Variants in TMEM272 observed in about 807,000 individuals in gnomAD.
TMEM272 encodes the protein long intergenic non-protein coding RNA 282.
Under a neutral mutation model 3.7 loss-of-function variants are expected in TMEM272, and 8 were observed. That is an observed-to-expected ratio of 2.17 (90% CI 1.27 to 3.91). The LOEUF (loss-of-function observed/expected upper bound fraction) is 3.91, where lower values mean the gene tolerates loss of function less well. Among genes scored for constraint, TMEM272 ranks in the 30% most tolerant of loss-of-function variants. The pLI is 0.00. For missense variants in TMEM272, 166 were observed against 91.5 expected (o/e 1.81, Z -3.32); for synonymous variants, 63 against 39.8 (o/e 1.58, Z -2.20).
chr13:51,830,596 G>A (rs550081741), intron 2 of TMEM272, among the ~76,000 whole-genome samples: 12 of 152,272 alleles, frequency 7.9e-5, no homozygotes, highest in Middle Eastern at 6.8e-3. Flanking sequence ...AATAAACACC[G>A]ATAAATGCTG....
At chr13:51,872,690 A>G in the TMEM272 span, among the ~76,000 whole-genome samples, 1 of 152,260 alleles carries the variant, frequency 6.6e-6, no homozygotes, top group Admixed American at 6.5e-5. Flanking sequence ...AAGAGCAAGT[A>G]ACAAAAATAA....
chr13:51,926,043 T>C, the TMEM272 span, among the ~76,000 whole-genome samples: 1 of 152,054 alleles, frequency 6.6e-6, no homozygotes. Context: ...TGGTATGTGG[T>C]GTGTGCAGTG....
the TMEM272 span, chr13:51,865,658 T>C: frequency 1.2e-6 from 2 of 1,614,184 alleles, no homozygotes; most frequent in Non-Finnish European, 1.7e-6. Flanking sequence ...GAGACCTTTC[T>C]GGGAAGAGGA....
the TMEM272 span, among the ~76,000 whole-genome samples, chr13:51,894,102 G>T: frequency 6.6e-6 from 1 of 152,220 alleles, no homozygotes; most frequent in Non-Finnish European, 1.5e-5. Flanking sequence ...ACTGCTTGGG[G>T]AACAAGTTTG....
chr13:51,826,540 G>A (rs1471207254), intron 3 of TMEM272, 26 bp downstream of exon 3: 10 of 702,370 alleles, frequency 1.4e-5, no homozygotes, highest in East Asian at 5.4e-5. Context: ...GACCTGTGGC[G>A]TCCAGCAGCT....
In TMEM272 at chr13:51,835,416, C is replaced by A. The variant is rs561141457; in HGVS notation, c.58+3057G>T. ...ATTTTTTTTGTATTTTTGCTAGAGA[C>A]GGGGTTTCACCATGTTGCAGGATGG... On this transcript the variant is annotated intron_variant, in intron 2 of 4. Coordinates refer to ENST00000629372, the MANE Select transcript of TMEM272 (RefSeq NM_001351003.2). 7.0e-4 allele frequency among the ~76,000 whole-genome samples: 107 copies of A among 152,062 alleles called. No individual in the cohort carries two copies. In the South Asian group the frequency reaches 7.0e-3, roughly 10 times the overall value.
At position 51,822,147 on chromosome 13, in the gene TMEM272, G is replaced by A. The variant is rs1956085336; in HGVS notation, c.119-10C>T. ...TCCAAAAATTTCATTCCTACATAGG[G>A]CAAACAGAAGAGGATTGAGAGAAAT... is the stretch of plus-strand genomic sequence containing the variant. On this transcript the variant is annotated splice_polypyrimidine_tract_variant and intron_variant, in intron 3 of 4. Coordinates refer to ENST00000629372, the MANE Select transcript of TMEM272 (RefSeq NM_001351003.2). 2 of 692,190 alleles carry A rather than the reference G, an allele frequency of 2.9e-6. No individual in the cohort carries two copies. Among genetic ancestry groups the A allele is most frequent in the South Asian group, 1.5e-5 (1 of 66,120 alleles). 42.9% of individuals were successfully genotyped at this position (692,190 alleles called of 1,614,324 possible).
chr13:51,926,800 A>T, the TMEM272 span, among the ~76,000 whole-genome samples: 1 of 152,332 alleles, frequency 6.6e-6, no homozygotes, highest in East Asian at 1.9e-4. Flanking sequence ...AGTAACATTA[A>T]AACATTACTA....
At chr13:51,927,805 T>C in the TMEM272 span, among the ~76,000 whole-genome samples, 1 of 152,166 alleles carries the variant, frequency 6.6e-6, no homozygotes, top group Non-Finnish European at 1.5e-5. Flanking sequence ...ATTCTAATGA[T>C]GACTGCCTTT....
chr13:51,859,297 CTT>C, the TMEM272 span, among the ~76,000 whole-genome samples: 1 of 151,942 alleles, frequency 6.6e-6, no homozygotes, highest in African/African-American at 2.4e-5. Context: ...AAGACGGAGA[CTT>C]TGAAAAGTTT....
At chr13:51,912,588 T>C in the TMEM272 span, among the ~76,000 whole-genome samples, 1 of 152,166 alleles carries the variant, frequency 6.6e-6, no homozygotes, top group African/African-American at 2.4e-5. Context: ...TATTGCCAAT[T>C]TGTTTCTCTA....
At chr13:51,928,685 G>C in the TMEM272 span, among the ~76,000 whole-genome samples, 1 of 152,178 alleles carries the variant, frequency 6.6e-6, no homozygotes, top group Non-Finnish European at 1.5e-5. Flanking sequence ...GTCTGGAGCA[G>C]TTTGTAGAGT....
the TMEM272 span, among the ~76,000 whole-genome samples, chr13:51,889,301 A>G: frequency 3.9e-5 from 6 of 152,130 alleles, no homozygotes; most frequent in Admixed American, 1.3e-4. Context: ...TCTAAAATTC[A>G]TATGTTGAAG....
chr13:51,905,198 C>T, the TMEM272 span, among the ~76,000 whole-genome samples: 2 of 152,188 alleles, frequency 1.3e-5, no homozygotes, highest in East Asian at 1.9e-4. Flanking sequence ...GAAGGCAGTT[C>T]GTGCAGGGAG....
the TMEM272 span, among the ~76,000 whole-genome samples, chr13:51,860,921 G>C: frequency 6.6e-6 from 1 of 151,478 alleles, no homozygotes; most frequent in Admixed American, 6.6e-5. Context: ...GAAAATTTCT[G>C]GAGAAATTCT....
At chr13:51,829,809 A>C (rs915466197) in intron 2 of TMEM272, among the ~76,000 whole-genome samples, 2 of 152,108 alleles carry the variant, frequency 1.3e-5, no homozygotes. Context: ...GCCACCCCAA[A>C]CTCTGCAGCT....
the TMEM272 span, among the ~76,000 whole-genome samples, chr13:51,929,195 CA>C: frequency 3.4e-4 from 48 of 143,126 alleles, no homozygotes; most frequent in African/African-American, 8.2e-4. Context: ...GACTCCATCT[CA>C]AAAAAAAAAA....
At position 51,839,007 on chromosome 13, in the gene TMEM272, A is replaced by T. The variant is rs147340542; in HGVS notation, c.-23-454T>A. Among the ~76,000 whole-genome samples the T allele has an allele frequency of 4.7e-3, 717 of 152,280 alleles. 2 individuals carry two copies. Among genetic ancestry groups the T allele is most frequent in the Non-Finnish European group, 8.7e-3 (595 of 68,020 alleles). On this transcript the variant is annotated intron_variant, in intron 1 of 4. Coordinates refer to ENST00000629372, the MANE Select transcript of TMEM272 (RefSeq NM_001351003.2). The stretch of plus-strand genomic sequence containing the variant: ...ATTCACCCTAAGGCCAGAGCTGGCA[A>T]CTGGCAGAACCCAAACTTGATCCAG...
the TMEM272 span, among the ~76,000 whole-genome samples, chr13:51,893,592 C>G: frequency 9.9e-5 from 15 of 151,914 alleles, no homozygotes; most frequent in African/African-American, 3.6e-4. Context: ...AAAATCTCTT[C>G]CCCTGGCTCA....
Sources: allele counts gnomAD v4.1 joint callset (sites outside exome capture counted in the v4.1 genomes callset), GRCh38; gene constraint gnomAD v4.1.1; transcripts MANE v1.5; gene names NCBI Gene and HGNC (gene_info 2026-07-23, HGNC 2026-07-21).